Variants in EVI5 observed in about 807,000 individuals in gnomAD.
EVI5 encodes the protein ecotropic viral integration site 5.
In EVI5, 73 loss-of-function variants were observed where a neutral mutation model predicts 112.0. The observed-to-expected ratio is 0.65, with a 90% confidence interval of 0.54 to 0.79. The LOEUF (loss-of-function observed/expected upper bound fraction) is 0.79, where lower values mean the gene tolerates loss of function less well. Ranked by LOEUF, EVI5 falls within the 30% of genes least tolerant of loss-of-function variation. The pLI, the probability that EVI5 is intolerant of heterozygous loss-of-function variation, is 0.00. For missense variants in EVI5, 900 were observed against 968.8 expected (o/e 0.93, Z 0.94); for synonymous variants, 305 against 319.9 (o/e 0.95, Z 0.50).
At chr1:92,571,262 C>A (rs1428496869) in intron 18 of EVI5, among the ~76,000 whole-genome samples, 2 of 148,968 alleles carry the variant, frequency 1.3e-5, no homozygotes, top group Admixed American at 6.8e-5. Flanking sequence ...GGTGATTAAG[C>A]AGCTCCAGGC....
intron 1 of EVI5, among the ~76,000 whole-genome samples, chr1:92,773,090 C>T (rs1683646563): frequency 6.6e-6 from 1 of 151,184 alleles, no homozygotes; most frequent in African/African-American, 2.4e-5. Context: ...GCCTGTAATC[C>T]CAGCACTCGG....
At chr1:92,619,941 G>C (rs1259294834) in intron 16 of EVI5, among the ~76,000 whole-genome samples, 1 of 152,046 alleles carries the variant, frequency 6.6e-6, no homozygotes, top group Non-Finnish European at 1.5e-5. Flanking sequence ...AAAAATGATA[G>C]GGGCAAAACG....
chr1:92,634,703 T>C (rs1466841731), intron 14 of EVI5, among the ~76,000 whole-genome samples: 1 of 152,224 alleles, frequency 6.6e-6, no homozygotes, highest in African/African-American at 2.4e-5. Context: ...TCCATTCAGC[T>C]TTTTTCCGGT....
At chr1:92,704,462 G>A in intron 3 of EVI5, 93 bp downstream of exon 3, 1 of 720,456 alleles carries the variant, frequency 1.4e-6, no homozygotes, top group Non-Finnish European at 2.2e-6. Context: ...TAGCTTGGAA[G>A]TTGTATTTGG....
At chr1:92,622,133 A>T (rs941350055) in intron 16 of EVI5, among the ~76,000 whole-genome samples, 19 of 2,198 alleles carry the variant, frequency 8.6e-3, no homozygotes, top group African/African-American at 0.016. Flanking sequence ...AATAAAAATT[A>T]AAAAAAAAAA....
At chr1:92,555,653 C>T (rs1667558813) in intron 19 of EVI5, among the ~76,000 whole-genome samples, 1 of 152,026 alleles carries the variant, frequency 6.6e-6, no homozygotes. Context: ...AGTTCAAGAC[C>T]AGCCTGGGCA....
intron 5 of EVI5, among the ~76,000 whole-genome samples, chr1:92,699,993 A>G (rs1210978581): frequency 6.6e-6 from 1 of 152,240 alleles, no homozygotes; most frequent in Non-Finnish European, 1.5e-5. Flanking sequence ...ATTTTAAAAA[A>G]TAAGTTGAGG....
intron 19 of EVI5, among the ~76,000 whole-genome samples, chr1:92,539,003 A>T (rs1308607812): frequency 6.6e-6 from 1 of 152,188 alleles, no homozygotes; most frequent in African/African-American, 2.4e-5. Context: ...TGAGTCACTG[A>T]GGCAGTGGAG....
intron 19 of EVI5, among the ~76,000 whole-genome samples, chr1:92,559,406 T>A (rs1431976343): frequency 1.3e-5 from 2 of 152,084 alleles, no homozygotes; most frequent in Non-Finnish European, 2.9e-5. Context: ...AAATAACCAT[T>A]TCATTTTCTT....
intron 19 of EVI5, among the ~76,000 whole-genome samples, chr1:92,538,774 G>A (rs981997181): frequency 6.6e-6 from 1 of 152,198 alleles, no homozygotes; most frequent in African/African-American, 2.4e-5. Flanking sequence ...GTAAGGATGA[G>A]CAGAGGTGGA....
intron 1 of EVI5, among the ~76,000 whole-genome samples, chr1:92,777,572 C>T (rs977486151): frequency 3.2e-4 from 48 of 152,264 alleles, no homozygotes; most frequent in African/African-American, 9.9e-4. Flanking sequence ...TTTAGGTCCT[C>T]TACCTCCTGA....
rs557769429 is a variant in EVI5 at position 92,719,207 on chromosome 1, C to A, written c.150-14463G>T. Among the ~76,000 whole-genome samples the A allele has an allele frequency of 6.6e-5, 10 of 152,104 alleles. No individual in the cohort carries two copies. In the East Asian group the frequency reaches 1.5e-3, roughly 23 times the overall value. On this transcript the variant is annotated intron_variant, in intron 2 of 19. Coordinates refer to ENST00000684568, the MANE Select transcript of EVI5 (RefSeq NM_001350197.2). ...CTAACTCATTTTCTGAGGCCAGCAT[C>A]ATCCTGATACCAAAGGTTGGCAGAG...
chr1:92,525,087 C>G (rs1010064350), intron 19 of EVI5, among the ~76,000 whole-genome samples: 8 of 152,114 alleles, frequency 5.3e-5, no homozygotes, highest in African/African-American at 1.9e-4. Context: ...CTTGGTCTCC[C>G]AAAGTGCTGG....
At chr1:92,607,553 A>T in intron 17 of EVI5, 28 bp downstream of exon 17, 1 of 1,519,698 alleles carries the variant, frequency 6.6e-7, no homozygotes, top group Non-Finnish European at 8.8e-7. Context: ...ATTGACAAAA[A>T]ACAAAATCAG....
chr1:92,776,704 C>T (rs1272601137), intron 1 of EVI5, among the ~76,000 whole-genome samples: 2 of 150,356 alleles, frequency 1.3e-5, no homozygotes, highest in Non-Finnish European at 2.9e-5. Flanking sequence ...GGTATGATCT[C>T]GACTCACTGC....
chr1:92,759,812 C>T (rs1681525297), intron 1 of EVI5, among the ~76,000 whole-genome samples: 1 of 151,918 alleles, frequency 6.6e-6, no homozygotes, highest in Non-Finnish European at 1.5e-5. Flanking sequence ...AACCTCATTC[C>T]TTTTTGTGGC....
chr1:92,688,742 C>T (rs2102424023), intron 9 of EVI5, among the ~76,000 whole-genome samples: 1 of 152,284 alleles, frequency 6.6e-6, no homozygotes, highest in South Asian at 2.1e-4. Context: ...TCTGTGTATG[C>T]CAGTCTGAAG....
chr1:92,743,034 T>C (rs916117493), intron 1 of EVI5, among the ~76,000 whole-genome samples: 10 of 152,296 alleles, frequency 6.6e-5, no homozygotes, highest in African/African-American at 2.2e-4. Context: ...GCTATCTCTA[T>C]ACAATGGACT....
intron 1 of EVI5, among the ~76,000 whole-genome samples, chr1:92,758,396 C>T (rs147523224): frequency 0.019 from 2,887 of 152,020 alleles, 108 homozygotes; most frequent in African/African-American, 0.065. Context: ...TGGCAAAACC[C>T]CGTCTCTACA....
Sources: allele counts gnomAD v4.1 joint callset (sites outside exome capture counted in the v4.1 genomes callset), GRCh38; gene constraint gnomAD v4.1.1; transcripts MANE v1.5; gene names NCBI Gene and HGNC (gene_info 2026-07-23, HGNC 2026-07-21).